Variants in LYPD6 observed in about 807,000 individuals in gnomAD.
LYPD6 encodes LY6/PLAUR domain containing 6.
A neutral mutation model predicts 22.7 loss-of-function variants in LYPD6; 15 were observed. That is an observed-to-expected ratio of 0.66 (90% CI 0.44 to 1.02). The LOEUF is 1.02. Among genes scored for constraint, LYPD6 ranks in the 50% least tolerant of loss-of-function variants. LYPD6 has a pLI of 0.00. For missense variants in LYPD6, 189 were observed against 208.4 expected (o/e 0.91, Z 0.57); for synonymous variants, 72 against 77.5 (o/e 0.93, Z 0.37).
At chr2:149,460,878 A>G (rs1341474890) in intron 3 of LYPD6, among the ~76,000 whole-genome samples, 1 of 152,244 alleles carries the variant, frequency 6.6e-6, no homozygotes, top group Admixed American at 6.5e-5. Flanking sequence ...GCACATCTAA[A>G]TAATCCACAG....
intron 1 of LYPD6, among the ~76,000 whole-genome samples, chr2:149,374,149 T>C (rs1316929549): frequency 6.6e-6 from 1 of 152,156 alleles, no homozygotes; most frequent in African/African-American, 2.4e-5. Context: ...CTTAAACTTA[T>C]GGAAATCTCA....
intron 4 of LYPD6, among the ~76,000 whole-genome samples, chr2:149,470,067 G>A (rs1474479170): frequency 1.3e-5 from 2 of 152,200 alleles, no homozygotes; most frequent in Non-Finnish European, 2.9e-5. Context: ...TCTGTACTTT[G>A]TGTAGCCATG....
chr2:149,338,349 G>A (rs1483261990), intron 1 of LYPD6, among the ~76,000 whole-genome samples: 3 of 152,102 alleles, frequency 2.0e-5, no homozygotes, highest in African/African-American at 7.2e-5. Flanking sequence ...TGATAAGCTA[G>A]AATCTTTTAA....
rs1358771488 is a variant in LYPD6, at chr2:149,460,092, A to G, written c.218-8553A>G. On this transcript the variant is annotated intron_variant, in intron 3 of 4. Coordinates refer to ENST00000334166, the MANE Select transcript of LYPD6 (RefSeq NM_194317.5). ...TCAAAAGCACTGTAGATAAATCACA[A>G]TGGAATTCTAAAAAACATTGATGTA... Among the ~76,000 whole-genome samples the G allele has an allele frequency of 7.2e-5, 11 of 152,316 alleles. 1 individual carries two copies. The South Asian group carries it at 2.3e-3, about 32-fold the overall frequency.
intron 1 of LYPD6, among the ~76,000 whole-genome samples, chr2:149,418,696 T>C (rs1452133048): frequency 6.6e-6 from 1 of 152,240 alleles, no homozygotes; most frequent in African/African-American, 2.4e-5. Context: ...ATTTGGCCAG[T>C]TGGCAAAGTG....
chr2:149,465,096 T>A (rs1681171938), intron 3 of LYPD6, among the ~76,000 whole-genome samples: 1 of 151,978 alleles, frequency 6.6e-6, no homozygotes, highest in Non-Finnish European at 1.5e-5. Context: ...GCCACTTGAG[T>A]GAGAAGAGGT....
chr2:149,353,035 A>G (rs1238742438), intron 1 of LYPD6, among the ~76,000 whole-genome samples: 1 of 152,228 alleles, frequency 6.6e-6, no homozygotes, highest in Non-Finnish European at 1.5e-5. Flanking sequence ...GACTCATTCC[A>G]GCATCCATGC....
chr2:149,413,482 A>G (rs371085621), intron 1 of LYPD6, among the ~76,000 whole-genome samples: 1 of 152,210 alleles, frequency 6.6e-6, no homozygotes, highest in African/African-American at 2.4e-5. Context: ...ACTACAGTTT[A>G]TCTGGCCCGA....
At chr2:149,478,093 G>C (rs1681470405), downstream of LYPD6, among the ~76,000 whole-genome samples, 1 of 152,072 alleles carries the variant, frequency 6.6e-6, no homozygotes, top group South Asian at 2.1e-4. Flanking sequence ...GAATCACCTG[G>C]GGTAGGGGAG....
chr2:149,436,378 C>T (rs1413714155), intron 1 of LYPD6, among the ~76,000 whole-genome samples: 1 of 152,068 alleles, frequency 6.6e-6, no homozygotes, highest in African/African-American at 2.4e-5. Flanking sequence ...GAGGAATAAG[C>T]TTTATAGGAA....
intron 3 of LYPD6, among the ~76,000 whole-genome samples, chr2:149,466,042 C>G (rs1014740096): frequency 6.6e-6 from 1 of 152,076 alleles, no homozygotes; most frequent in African/African-American, 2.4e-5. Context: ...ATTACTAACC[C>G]AAGGAGTTTT....
intron 1 of LYPD6, among the ~76,000 whole-genome samples, chr2:149,352,039 A>G (rs1295848332): frequency 6.6e-6 from 1 of 152,028 alleles, no homozygotes; most frequent in Non-Finnish European, 1.5e-5. Flanking sequence ...TTGTTGGTTG[A>G]TATTTCTGTG....
intron 1 of LYPD6, among the ~76,000 whole-genome samples, chr2:149,415,580 G>A (rs1682944168): frequency 6.6e-6 from 1 of 152,094 alleles, no homozygotes; most frequent in South Asian, 2.1e-4. Context: ...TGCAATGCAG[G>A]TCTCACCCTT....
At chr2:149,431,014 C>A (rs1250541878) in intron 1 of LYPD6, among the ~76,000 whole-genome samples, 1 of 152,014 alleles carries the variant, frequency 6.6e-6, no homozygotes, top group African/African-American at 2.4e-5. Flanking sequence ...AGATCTTGAA[C>A]TAATTTTTTT....
intron 1 of LYPD6, among the ~76,000 whole-genome samples, chr2:149,347,869 G>A (rs1284931127): frequency 3.3e-5 from 5 of 151,932 alleles, no homozygotes; most frequent in Admixed American, 3.3e-4. Context: ...TGCAAGCATA[G>A]CAACTGTCAG....
At chr2:149,342,973 C>T (rs1206439828) in intron 1 of LYPD6, among the ~76,000 whole-genome samples, 1 of 152,192 alleles carries the variant, frequency 6.6e-6, no homozygotes, top group Non-Finnish European at 1.5e-5. Flanking sequence ...ATGAAGGGCA[C>T]TGCATTTCAT....
At chr2:149,375,473 G>A (rs376881035) in intron 1 of LYPD6, among the ~76,000 whole-genome samples, 6 of 152,116 alleles carry the variant, frequency 3.9e-5, no homozygotes, top group African/African-American at 9.7e-5. Flanking sequence ...TTGGCATGAC[G>A]AAAATAAAGC....
chr2:149,359,839 C>T (rs1681536972), intron 1 of LYPD6, among the ~76,000 whole-genome samples: 1 of 152,114 alleles, frequency 6.6e-6, no homozygotes, highest in South Asian at 2.1e-4. Context: ...AGAGAGGGTT[C>T]CTGGACCTCG....
chr2:149,423,418 A>T (rs1683123278), intron 1 of LYPD6, among the ~76,000 whole-genome samples: 1 of 152,170 alleles, frequency 6.6e-6, no homozygotes, highest in Non-Finnish European at 1.5e-5. Flanking sequence ...GATAGGTGGG[A>T]TGCAGATTTG....
Sources: allele counts gnomAD v4.1 joint callset (sites outside exome capture counted in the v4.1 genomes callset), GRCh38; gene constraint gnomAD v4.1.1; transcripts MANE v1.5; gene names NCBI Gene and HGNC (gene_info 2026-07-23, HGNC 2026-07-21).